Variants in ZNF112 observed in about 807,000 individuals in gnomAD.
The protein encoded by ZNF112 is zinc finger protein 112 (Y14).
ZNF112 carries 37 observed loss-of-function variants against 77.7 expected under a neutral mutation model. The ratio of observed to expected loss-of-function variants is 0.48; its 90% CI spans 0.37 to 0.63. ZNF112 has a LOEUF of 0.63. Among genes scored for constraint, ZNF112 ranks in the 20% least tolerant of loss-of-function variants. ZNF112 has a pLI of 0.00. For missense variants in ZNF112, 950 were observed against 1,077.4 expected, an observed-to-expected ratio of 0.88 and a Z score of 1.66; for synonymous variants, 333 against 363.6, an observed-to-expected ratio of 0.92 and a Z score of 0.96.
Position 44,327,376 on chromosome 19 carries a change from C to T in ZNF112, c.*57G>A, listed in dbSNP as rs1274870504. 7.1e-7 allele frequency: 1 copy of T among 1,398,764 alleles called. No individual in the cohort carries two copies. 86.6% of individuals were successfully genotyped at this position (1,398,764 alleles called of 1,614,324 possible). A position where few individuals can be genotyped will look rare whatever the true frequency, so the allele number is the denominator to read the frequency against. On this transcript the variant is annotated 3_prime_UTR_variant, in exon 4 of 4. Transcript: ENST00000354340. ...CATTACATTTTAATTTTTAAAAATT[C>T]TTTTTCTACTGAAAGAACTCTAGTG...
At chr19:44,356,830 CCTGCCTAGGACGCAAG>C (rs1970795692), upstream of ZNF112, 1 of 152,326 alleles carries the variant, frequency 6.6e-6, no homozygotes, top group Non-Finnish European at 1.5e-5. Flanking sequence ...CACTTATCTG[CCTGCCTAGGACGCAAG>C]TACCGGGTGC....
chr19:44,361,440 C>A (rs1970854317), upstream of ZNF112, among the ~76,000 whole-genome samples: 1 of 151,920 alleles, frequency 6.6e-6, no homozygotes, highest in Non-Finnish European at 1.5e-5. Context: ...TGTGGTGCAT[C>A]AATACAATAG....
chr19:44,327,959 T>C lies in ZNF112; in HGVS notation c.2198A>G (p.His733Arg), dbSNP rs761120949. 2 of 1,613,966 alleles carry C rather than the reference T, an allele frequency of 1.2e-6. No individual in the cohort carries two copies. The highest frequency in any genetic ancestry group is 8.5e-7 in the Non-Finnish European group (1 of 1,179,958). Residue 733 changes from histidine (H) to arginine (R), a missense_variant, in exon 4 of 4, where the codon CAT (histidine) becomes CGT (arginine). Around this residue, in one of 3 missense-constraint regions of ZNF112, gnomAD observed 373 missense variants for 482.8 expected, o/e 0.77. Coordinates refer to ENST00000354340, the MANE Select transcript of ZNF112 (RefSeq NM_013380.4). Reference sequence around the variant, plus strand: ...TTTCACTCTAGTGTGGACTCTCTGATGACCTTGAAGATATGCTCTCTGACT... The same window carrying C: ...TTTCACTCTAGTGTGGACTCTCTGACGACCTTGAAGATATGCTCTCTGACT... The part of the protein sequence containing the change: ...GFSQRAYLQG[H>R]QRVHTRVKPY...
At chr19:44,329,998 AT>A in intron 3 of ZNF112, 62 bp from the exon 4 acceptor site, 1 of 1,314,044 alleles carries the variant, frequency 7.6e-7, no homozygotes, top group East Asian at 2.4e-5. Context: ...AGATTTGAAG[AT>A]TTTACACTTA....
In ZNF112 at chr19:44,329,452, C is replaced by T; in HGVS notation, c.705G>A (p.Met235Ile). The T allele has an allele frequency of 6.2e-7, 1 of 1,614,108 alleles. No homozygotes were observed. The highest frequency in any genetic ancestry group is 8.5e-7 in the Non-Finnish European group (1 of 1,180,002). ...ACTCCTGATTAAGTAATGATACCTT[C>T]ATGATATCTTCTCCACAGTCATGGC... ...YSCHDCGEDI[M>I]KVSLLNQESI... The change falls in exon 4 of 4, where the codon ATG (methionine) becomes ATA (isoleucine). Residue 235 changes from methionine (M) to isoleucine (I), a missense_variant. By Grantham distance (10) the Met-to-Ile change is conservative. Around this residue, in one of 3 missense-constraint regions of ZNF112, gnomAD observed 560 missense variants for 557.3 expected, o/e 1.00. Coordinates refer to ENST00000354340, the MANE Select transcript of ZNF112 (RefSeq NM_013380.4).
intron 1 of ZNF112, among the ~76,000 whole-genome samples, chr19:44,354,245 G>C (rs2123213641): frequency 6.6e-6 from 1 of 152,082 alleles, no homozygotes; most frequent in East Asian, 1.9e-4. Context: ...AGACATGAGG[G>C]GAGTTTTTGG....
intron 1 of ZNF112, chr19:44,343,328 G>A (rs74716096): frequency 0.051 from 78,715 of 1,551,114 alleles, 2,524 homozygotes; most frequent in African/African-American, 0.13. Flanking sequence ...AGGGTAATAC[G>A]AAAGAAGCCA....
At chr19:44,340,567 T>C (rs962162749) in intron 1 of ZNF112, 25 bp from the exon 2 acceptor site, 2 of 1,613,478 alleles carry the variant, frequency 1.2e-6, no homozygotes, top group Non-Finnish European at 1.7e-6. Flanking sequence ...ACATGCACAC[T>C]AAGTTTACAG....
intron 2 of ZNF112, among the ~76,000 whole-genome samples, chr19:44,339,102 A>T (rs187128646): frequency 2.0e-5 from 3 of 152,310 alleles, no homozygotes; most frequent in African/African-American, 7.2e-5. Context: ...TATGGATAAA[A>T]TCACAGCATA....
chr19:44,335,105 A>G (rs1970342427), intron 3 of ZNF112, among the ~76,000 whole-genome samples: 1 of 152,254 alleles, frequency 6.6e-6, no homozygotes, highest in African/African-American at 2.4e-5. Flanking sequence ...GAGATGCCCA[A>G]GGCCTTGGGA....
chr19:44,327,607 T>G lies in ZNF112; in HGVS notation c.2550A>C (p.Thr850=). 2 of 1,614,064 alleles carry G rather than the reference T, an allele frequency of 1.2e-6. No homozygotes were observed. Among genetic ancestry groups the G allele is most frequent in the Non-Finnish European group, 1.7e-6 (2 of 1,179,948 alleles). ...SNLQAHQRVH[T]GEKPYKCDAC... ...CATCACATTTGTATGGTTTCTCTCC[T>G]GTGTGGACTCTCTGGTGAGCCTGAA... The change falls in exon 4 of 4, where the codon ACA becomes ACC. Residue 850 remains threonine, a synonymous_variant. Transcript: ENST00000354340.
At chr19:44,355,367 TA>T (rs1354319843) in intron 1 of ZNF112, among the ~76,000 whole-genome samples, 1 of 152,208 alleles carries the variant, frequency 6.6e-6, no homozygotes, top group African/African-American at 2.4e-5. Context: ...CTTAATCTTT[TA>T]CAATATGCAA....
chr19:44,328,294 A>G lies in ZNF112; in HGVS notation c.1863T>C (p.His621=), dbSNP rs1970174323. The change falls in exon 4 of 4, where the codon CAT becomes CAC. Residue 621 remains histidine (H), a synonymous_variant. Transcript: ENST00000354340. ...GFSRSSHLQG[H]QRVHTGEKPF... The stretch of plus-strand genomic sequence containing the variant: ...GTTTTTCTCCAGTGTGGACTCTCTG[A>G]TGGCCTTGAAGGTGTGAACTCCGAC... 7 of 1,614,040 alleles carry G rather than the reference A, an allele frequency of 4.3e-6. No individual in the cohort carries two copies. In the South Asian group the frequency reaches 5.5e-5, roughly 13 times the overall value.
chr19:44,365,480 A>T (rs1376128017), intron 1 of ZNF112, among the ~76,000 whole-genome samples: 1 of 150,044 alleles, frequency 6.7e-6, no homozygotes, highest in East Asian at 1.9e-4. Flanking sequence ...ATATATATAT[A>T]TATTTATGTG....
intron 1 of ZNF112, chr19:44,343,108 A>G: frequency 1.2e-6 from 1 of 820,334 alleles, no homozygotes; most frequent in East Asian, 2.8e-5. Flanking sequence ...GAAAAGGACA[A>G]AAACAAAAAG....
intron 1 of ZNF112, among the ~76,000 whole-genome samples, chr19:44,354,210 T>A (rs1428061502): frequency 6.6e-6 from 1 of 151,978 alleles, no homozygotes; most frequent in African/African-American, 2.4e-5. Flanking sequence ...TGGTTACAGG[T>A]ATGGTGAGGG....
At chr19:44,332,197 A>G (rs926773274) in intron 3 of ZNF112, among the ~76,000 whole-genome samples, 2 of 152,180 alleles carry the variant, frequency 1.3e-5, no homozygotes, top group African/African-American at 4.8e-5. Context: ...TCTGTCTCAA[A>G]AAAACCCAAA....
chr19:44,360,511 T>C (rs1296169406), upstream of ZNF112, among the ~76,000 whole-genome samples: 2 of 152,212 alleles, frequency 1.3e-5, no homozygotes, highest in Non-Finnish European at 2.9e-5. Flanking sequence ...ACATTTCCTC[T>C]ATGATGGGGA....
At position 44,329,716 on chromosome 19, in the gene ZNF112, T is replaced by G. The variant is rs376310657; in HGVS notation, c.441A>C (p.Glu147Asp). 24 of 1,614,000 alleles carry G rather than the reference T, an allele frequency of 1.5e-5. No homozygotes were observed. In the Middle Eastern group the frequency reaches 6.6e-4, roughly 44 times the overall value. Reference sequence around the variant, plus strand: ...TATGAGTGAATATATAGTTCTTATCTTCAGAAATCTGAACTGGTATTCCTG... The same window carrying G: ...TATGAGTGAATATATAGTTCTTATCGTCAGAAATCTGAACTGGTATTCCTG... Reference protein sequence around the residue: ...VWAGIPVQISEDKNYIFTHIG... With the variant: ...VWAGIPVQISDDKNYIFTHIG... Residue 147 changes from glutamate to aspartate, a missense_variant, in exon 4 of 4, where the codon GAA becomes GAC. By Grantham distance (45) the Glu-to-Asp change is conservative (BLOSUM62 2). This residue lies in a region of ZNF112 where 560 missense variants were observed against 557.3 expected (regional missense o/e 1.00). Coordinates refer to ENST00000354340, the MANE Select transcript of ZNF112 (RefSeq NM_013380.4).
Sources: gnomAD v4.1 joint callset for allele counts (sites outside exome capture counted in the v4.1 genomes callset) on GRCh38, gnomAD v4.1.1 for gene constraint, gnomAD v4.1.1 regional missense constraint, MANE v1.5 for transcripts, NCBI Gene and HGNC (gene_info 2026-07-23, HGNC 2026-07-21) for gene names.